The following SLC38A12 variants were observed in gnomAD, a reference collection of about 807,000 sequenced individuals.
SLC38A12 encodes the protein putative sodium-coupled neutral amino acid transporter 12.
At chr17:74,807,713 T>C in the SLC38A12 span, among the ~76,000 whole-genome samples, 2 of 152,224 alleles carry the variant, frequency 1.3e-5, no homozygotes, top group Non-Finnish European at 1.5e-5. Context: ...ACCCGTCTCT[T>C]TCTCCAGCAC....
the SLC38A12 span, chr17:74,838,604 C>T: frequency 7.6e-7 from 1 of 1,312,794 alleles, no homozygotes; most frequent in Non-Finnish European, 9.8e-7. Flanking sequence ...CCAGCAGTGA[C>T]CACATCGCTG....
chr17:74,829,729 T>C, the SLC38A12 span, among the ~76,000 whole-genome samples: 6 of 152,096 alleles, frequency 3.9e-5, no homozygotes, highest in African/African-American at 1.4e-4. This position sits in a 1 kb window ranked among gnomAD's most constrained non-coding sequence, Gnocchi z 4.1. Context: ...AGGTAGGGGC[T>C]CCTGGGATGG....
At chr17:74,799,815 C>G in the SLC38A12 span, among the ~76,000 whole-genome samples, 11 of 152,340 alleles carry the variant, frequency 7.2e-5, no homozygotes, top group East Asian at 2.1e-3. Flanking sequence ...ATTTCAAAAC[C>G]AAATGCTTTC....
chr17:74,835,833 G>A, the SLC38A12 span: 1 of 1,502,356 alleles, frequency 6.7e-7, no homozygotes, highest in Non-Finnish European at 8.8e-7. Flanking sequence ...TTTCTCACAG[G>A]GCTCTAGTCC....
chr17:74,806,590 A>T, the SLC38A12 span, among the ~76,000 whole-genome samples: 501 of 151,866 alleles, frequency 3.3e-3, 2 homozygotes, highest in African/African-American at 0.011. Flanking sequence ...GAGCTGCCAA[A>T]CCCTCTATAA....
At chr17:74,819,764 C>G in the SLC38A12 span, 1 of 1,614,250 alleles carries the variant, frequency 6.2e-7, no homozygotes, top group Non-Finnish European at 8.5e-7. Context: ...TCTTCACTCT[C>G]CTCCTCGGAC....
the SLC38A12 span, chr17:74,795,099 T>C: frequency 6.2e-7 from 1 of 1,614,136 alleles, no homozygotes; most frequent in Admixed American, 1.7e-5. Context: ...TTCTCCCTCA[T>C]GCAGGTGACC....
At chr17:74,779,872 A>G in the SLC38A12 span, among the ~76,000 whole-genome samples, 5 of 152,242 alleles carry the variant, frequency 3.3e-5, no homozygotes, top group African/African-American at 7.2e-5. Context: ...TCTGCCTAAA[A>G]TATTTGTAAC....
the SLC38A12 span, among the ~76,000 whole-genome samples, chr17:74,805,882 G>A: frequency 1.3e-5 from 2 of 152,192 alleles, no homozygotes; most frequent in East Asian, 3.9e-4. The surrounding 1 kb of genome is among the most constrained non-coding windows in gnomAD (Gnocchi z 5.0). Flanking sequence ...CACAAGCTCC[G>A]GGCAACAGAG....
chr17:74,779,313 TCTC>T, the SLC38A12 span, among the ~76,000 whole-genome samples: 1 of 152,160 alleles, frequency 6.6e-6, no homozygotes, highest in African/African-American at 2.4e-5. Context: ...CCGTTTTTGT[TCTC>T]CATCTCCTCT....
the SLC38A12 span, among the ~76,000 whole-genome samples, chr17:74,800,741 CA>C: frequency 6.6e-6 from 1 of 152,222 alleles, no homozygotes; most frequent in African/African-American, 2.4e-5. Context: ...GGCACAACTC[CA>C]GTAGAACACA....
the SLC38A12 span, among the ~76,000 whole-genome samples, chr17:74,807,090 C>G: frequency 1.3e-5 from 2 of 152,112 alleles, no homozygotes; most frequent in Non-Finnish European, 2.9e-5. Context: ...CTGGAGCCTT[C>G]TCTCTCCCCC....
chr17:74,795,112 G>A, the SLC38A12 span: 3 of 1,613,778 alleles, frequency 1.9e-6, no homozygotes, highest in Admixed American at 1.7e-5. Context: ...AGGTGACCTG[G>A]TGAGTACCCT....
chr17:74,837,585 G>A, the SLC38A12 span: 1 of 985,342 alleles, frequency 1.0e-6, no homozygotes, highest in Non-Finnish European at 1.2e-6. Flanking sequence ...CCTGACAATG[G>A]TCAGGCTGCC....
At chr17:74,836,453 G>A in the SLC38A12 span, 14 of 1,607,926 alleles carry the variant, frequency 8.7e-6, no homozygotes, top group Admixed American at 1.7e-5. The surrounding 1 kb of genome is among the most constrained non-coding windows in gnomAD (Gnocchi z 4.2). Flanking sequence ...ACGACCTGGA[G>A]TCCCTGGTGG....
At chr17:74,838,466 C>G in the SLC38A12 span, 4 of 1,023,796 alleles carry the variant, frequency 3.9e-6, no homozygotes, top group East Asian at 9.4e-5. Flanking sequence ...TCCTGCCACC[C>G]GAGGCTCCAA....
chr17:74,828,443 G>A, the SLC38A12 span, among the ~76,000 whole-genome samples: 16 of 152,252 alleles, frequency 1.1e-4, no homozygotes, highest in East Asian at 1.4e-3. Context: ...TGCCGCGTGC[G>A]GTCTGGCCCT....
the SLC38A12 span, among the ~76,000 whole-genome samples, chr17:74,820,249 G>A: frequency 3.3e-5 from 5 of 152,212 alleles, no homozygotes; most frequent in East Asian, 3.9e-4. Context: ...GCGGCTCTGC[G>A]TTCTCATGAG....
the SLC38A12 span, among the ~76,000 whole-genome samples, chr17:74,789,845 CA>C: frequency 0.083 from 3,938 of 47,434 alleles, 37 homozygotes; most frequent in Non-Finnish European, 0.095. Context: ...AACTTCGTCT[CA>C]AAAAAAAAAA....
Sources: allele counts gnomAD v4.1 joint callset (sites outside exome capture counted in the v4.1 genomes callset), GRCh38; gene constraint gnomAD v4.1.1; non-coding constraint Gnocchi (gnomAD v3.1); transcripts MANE v1.5; gene names NCBI Gene and HGNC (gene_info 2026-07-23, HGNC 2026-07-21).